ALMS1: variants seen among roughly 807,000 people sequenced by gnomAD.
ALMS1 encodes the protein centrosome-associated protein ALMS1.
A neutral mutation model predicts 352.2 loss-of-function variants in ALMS1; 271 were observed. The observed-to-expected ratio is 0.77, with a 90% confidence interval of 0.70 to 0.85. The LOEUF (loss-of-function observed/expected upper bound fraction) is 0.85. Ranked by LOEUF, ALMS1 falls within the 40% of genes least tolerant of loss-of-function variation. ALMS1 has a pLI of 0.00. For synonymous variants in ALMS1, 1,865 were observed against 1,761.2 expected (o/e 1.06, Z -1.48); for missense variants, 5,445 against 4,870.7 (o/e 1.12, Z -3.51).
At chr2:73,474,403 GTGTGTGTC>G (rs948404052) in intron 9 of ALMS1, among the ~76,000 whole-genome samples, 4 of 99,264 alleles carry the variant, frequency 4.0e-5, no homozygotes, top group South Asian at 3.6e-4. Flanking sequence ...GTGTGTGTGT[GTGTGTGTC>G]TATTGGTTTA....
intron 2 of ALMS1, among the ~76,000 whole-genome samples, chr2:73,413,784 C>G (rs1671126178): frequency 6.6e-6 from 1 of 152,192 alleles, no homozygotes; most frequent in Admixed American, 6.5e-5. Context: ...AATTGTTATT[C>G]TAGCACCATT....
At chr2:73,590,285 A>G (rs184487404) in intron 16 of ALMS1, among the ~76,000 whole-genome samples, 1 of 152,310 alleles carries the variant, frequency 6.6e-6, no homozygotes, top group Admixed American at 6.5e-5. Context: ...TTTTATAACA[A>G]TATTTAAAAA....
chr2:73,550,649 T>C (rs1271443493), intron 13 of ALMS1, among the ~76,000 whole-genome samples: 2 of 152,186 alleles, frequency 1.3e-5, no homozygotes, highest in Admixed American at 1.3e-4. Flanking sequence ...AATTATAAAC[T>C]TCATTTTCAC....
chr2:73,594,860 T>A (rs560683704), intron 16 of ALMS1, among the ~76,000 whole-genome samples: 3 of 152,292 alleles, frequency 2.0e-5, no homozygotes, highest in African/African-American at 7.2e-5. Flanking sequence ...CTTTCTGAGT[T>A]TGGCAGCTTT....
intron 11 of ALMS1, among the ~76,000 whole-genome samples, chr2:73,528,748 C>T (rs1342202918): frequency 6.6e-6 from 1 of 151,708 alleles, no homozygotes; most frequent in Non-Finnish European, 1.5e-5. Flanking sequence ...TAGATTTGCC[C>T]TTTTGAGGCT....
chr2:73,469,800 C>A (rs1672431427), intron 9 of ALMS1: 1 of 151,698 alleles, frequency 6.6e-6, no homozygotes, highest in East Asian at 1.9e-4. Context: ...ATTGTTGAAT[C>A]TAAATAGAAG....
intron 10 of ALMS1, among the ~76,000 whole-genome samples, chr2:73,512,990 C>A (rs1364270743): frequency 2.6e-5 from 4 of 152,154 alleles, no homozygotes; most frequent in Non-Finnish European, 5.9e-5. Flanking sequence ...ATATTAAAAA[C>A]CATATGTTCA....
intron 16 of ALMS1, among the ~76,000 whole-genome samples, chr2:73,593,365 C>A (rs1280365766): frequency 6.6e-6 from 1 of 152,148 alleles, no homozygotes; most frequent in Non-Finnish European, 1.5e-5. Flanking sequence ...TCCATCACTC[C>A]TATAGCATCC....
Position 73,450,937 on chromosome 2 carries a change from T to C in ALMS1, c.4410T>C (p.Thr1470=), listed in dbSNP as rs1671923743. The C allele has an allele frequency of 6.2e-7, 1 of 1,613,338 alleles. No homozygotes were observed. Among genetic ancestry groups the C allele is most frequent in the Non-Finnish European group, 8.5e-7 (1 of 1,179,756 alleles). ...TTGACCAGACGATTGGCACACCAACTGTAACCTCCCCTTCCAGCTCATTTG... is the reference window on the plus strand; with the variant it reads ...TTGACCAGACGATTGGCACACCAACCGTAACCTCCCCTTCCAGCTCATTTG... ...GPVDQTIGTP[T]VTSPSSSFGE... Residue 1470 remains threonine (T), a synonymous_variant, in exon 8 of 23, where the codon ACT becomes ACC. Coordinates refer to ENST00000613296, the MANE Select transcript of ALMS1 (RefSeq NM_001378454.1).
At position 73,452,781 on chromosome 2, in the gene ALMS1, C is replaced by T. The variant is rs1266867585; in HGVS notation, c.6254C>T (p.Thr2085Ile). ...SAVPELTDVNTGKPVSLSSSY... is the reference protein window; with the variant it reads ...SAVPELTDVNIGKPVSLSSSY... ...GTCCCTGAACTAACTGATGTGAATA[C>T]TGGAAAACCAGTATCTCTCTCTAGT... is the stretch of plus-strand genomic sequence containing the variant. The change falls in exon 8 of 23, where the codon ACT (threonine) becomes ATT (isoleucine). Residue 2085 changes from threonine (T) to isoleucine (I), a missense_variant. Physicochemically the swap from Thr to Ile is moderately conservative, Grantham distance 89. Transcript: ENST00000613296. 2 of 1,613,526 alleles carry T rather than the reference C, an allele frequency of 1.2e-6. No individual in the cohort carries two copies. The highest frequency in any genetic ancestry group is 1.7e-5 in the Admixed American group (1 of 59,978).
intron 12 of ALMS1, among the ~76,000 whole-genome samples, chr2:73,542,426 A>G (rs762460047): frequency 2.0e-5 from 3 of 152,186 alleles, no homozygotes; most frequent in Non-Finnish European, 4.4e-5. Flanking sequence ...CTGAATGGGA[A>G]AAAACTGGAA....
intron 15 of ALMS1, among the ~76,000 whole-genome samples, chr2:73,563,442 G>A (rs916856001): frequency 6.6e-6 from 1 of 151,492 alleles, no homozygotes; most frequent in East Asian, 1.9e-4. Context: ...ATGAAGGAGG[G>A]CAGGGTGCGG....
At chr2:73,433,289 G>A (rs2103737089) in intron 7 of ALMS1, among the ~76,000 whole-genome samples, 1 of 152,294 alleles carries the variant, frequency 6.6e-6, no homozygotes, top group African/African-American at 2.4e-5. Context: ...CTTGGTTCAG[G>A]AATACATTGA....
intron 10 of ALMS1, among the ~76,000 whole-genome samples, chr2:73,492,433 A>G (rs1260486473): frequency 6.6e-6 from 1 of 152,150 alleles, no homozygotes; most frequent in Non-Finnish European, 1.5e-5. Context: ...TTGTGCCAAA[A>G]GATGTTGTTT....
intron 15 of ALMS1, among the ~76,000 whole-genome samples, chr2:73,565,527 G>C (rs1558696871): frequency 6.6e-6 from 1 of 152,122 alleles, no homozygotes; most frequent in Non-Finnish European, 1.5e-5. Context: ...CAGGGAGGTG[G>C]AACATAACTC....
chr2:73,519,811 C>T lies in ALMS1; in HGVS notation c.9576C>T (p.Phe3192=), dbSNP rs528869250. ...PEKMKTPLSA[F]SEKLSSDAVT... ...AGATGAAGACCCCACTTTCTGCTTT[C>T]TCTGAAAAATTGTCATCTGATGCAG... is the stretch of plus-strand genomic sequence containing the variant. Residue 3192 remains phenylalanine (F), a synonymous_variant, in exon 11 of 23, where the codon TTC becomes TTT. Coordinates refer to ENST00000613296, the MANE Select transcript of ALMS1 (RefSeq NM_001378454.1). 1.2e-6 allele frequency: 2 copies of T among 1,613,982 alleles called. No individual in the cohort carries two copies. Among genetic ancestry groups the T allele is most frequent in the East Asian group, 4.5e-5 (2 of 44,878 alleles).
chr2:73,538,929 G>A (rs938912165), intron 12 of ALMS1, among the ~76,000 whole-genome samples: 1 of 152,104 alleles, frequency 6.6e-6, no homozygotes, highest in African/African-American at 2.4e-5. Context: ...AAGGATGCCT[G>A]CCTGCCTCTG....
chr2:73,387,420 G>A (rs140501077), intron 1 of ALMS1, among the ~76,000 whole-genome samples: 45 of 152,316 alleles, frequency 3.0e-4, no homozygotes, highest in Non-Finnish European at 5.1e-4. Flanking sequence ...GGCCTTGTCA[G>A]TGAAGTTGGG....
rs992982023 is a variant in ALMS1 at position 73,450,432 on chromosome 2, C to G, written c.3905C>G (p.Pro1302Arg). The G allele has an allele frequency of 5.0e-6, 8 of 1,613,618 alleles. No individual in the cohort carries two copies. Among genetic ancestry groups the G allele is most frequent in the Admixed American group, 1.7e-5 (1 of 59,920 alleles). Residue 1302 changes from proline to arginine, a missense_variant, in exon 8 of 23, where the codon CCA becomes CGA. By Grantham distance (103) the Pro-to-Arg change is moderately radical. Coordinates refer to ENST00000613296, the MANE Select transcript of ALMS1 (RefSeq NM_001378454.1). ...AGCATTTTCTACCAACAGTCGTTGCCAAGTAGTCATCTAACTGAAGAGGCT... is the reference window on the plus strand; with the variant it reads ...AGCATTTTCTACCAACAGTCGTTGCGAAGTAGTCATCTAACTGAAGAGGCT... ...KPSIFYQQSL[P>R]SSHLTEEAKN... is the part of the protein sequence containing the mutation.
Sources: gnomAD v4.1 joint callset for allele counts (sites outside exome capture counted in the v4.1 genomes callset) on GRCh38, gnomAD v4.1.1 for gene constraint, MANE v1.5 for transcripts, NCBI Gene and HGNC (gene_info 2026-07-23, HGNC 2026-07-21) for gene names.